LOC400499: variants seen among roughly 807,000 people sequenced by gnomAD.
chr16:11,372,534 T>A, the LOC400499 span: 1 of 153,950 alleles, frequency 6.5e-6, no homozygotes, highest in Admixed American at 6.5e-5. Context: ...GAGTTTCATG[T>A]CCCCCGGAAG....
the LOC400499 span, among the ~76,000 whole-genome samples, chr16:11,502,520 A>C: frequency 6.6e-6 from 1 of 152,132 alleles, no homozygotes; most frequent in Non-Finnish European, 1.5e-5. Flanking sequence ...ACCCCAATAA[A>C]TGTTCACTAT....
the LOC400499 span, among the ~76,000 whole-genome samples, chr16:11,425,818 G>C: frequency 1.3e-5 from 2 of 152,134 alleles, no homozygotes; most frequent in African/African-American, 4.8e-5. Context: ...GTTCAGAAAA[G>C]AGAAGAGATG....
chr16:11,419,689 C>T, the LOC400499 span, among the ~76,000 whole-genome samples: 6 of 152,126 alleles, frequency 3.9e-5, no homozygotes, highest in East Asian at 3.8e-4. Context: ...AGAAAATTTT[C>T]GCAACCTACT....
the LOC400499 span, among the ~76,000 whole-genome samples, chr16:11,489,816 C>T: frequency 6.6e-6 from 1 of 152,158 alleles, no homozygotes; most frequent in African/African-American, 2.4e-5. Context: ...AATTCAGCAA[C>T]GTCACATCAG....
chr16:11,387,871 A>C, the LOC400499 span, among the ~76,000 whole-genome samples: 2 of 152,058 alleles, frequency 1.3e-5, no homozygotes, highest in South Asian at 4.2e-4. Context: ...TGATCTGCCC[A>C]CCTCGGCCTC....
the LOC400499 span, among the ~76,000 whole-genome samples, chr16:11,430,483 T>C: frequency 6.6e-6 from 1 of 151,782 alleles, no homozygotes; most frequent in Non-Finnish European, 1.5e-5. Context: ...AGAGCAAAAC[T>C]CAGTCTCAAA....
chr16:11,456,716 CTG>C, the LOC400499 span: 1 of 1,005,746 alleles, frequency 9.9e-7, no homozygotes, highest in Non-Finnish European at 1.4e-6. Context: ...GCGTGAGCCA[CTG>C]TGCCTGGCCC....
the LOC400499 span, chr16:11,412,745 G>T: frequency 2.5e-6 from 1 of 397,238 alleles, no homozygotes; most frequent in Non-Finnish European, 4.4e-6. Context: ...GTGCTGAGCA[G>T]AGAATTGAGA....
At chr16:11,460,934 T>A in the LOC400499 span, 2 of 1,502,920 alleles carry the variant, frequency 1.3e-6, no homozygotes, top group Non-Finnish European at 1.8e-6. Context: ...CACCTCCACC[T>A]GCCCCGCAAC....
At chr16:11,419,631 C>T in the LOC400499 span, among the ~76,000 whole-genome samples, 23 of 152,210 alleles carry the variant, frequency 1.5e-4, no homozygotes, top group South Asian at 4.1e-4. Context: ...AGCTTCTGCA[C>T]GGCAAAAGAA....
the LOC400499 span, among the ~76,000 whole-genome samples, chr16:11,388,371 C>G: frequency 0.68 from 104,110 of 152,086 alleles, 38,574 homozygotes; most frequent in Non-Finnish European, 0.82. Context: ...GAGTCTTTTC[C>G]CCATGATGTG....
At chr16:11,491,921 G>A in the LOC400499 span, 1 of 397,256 alleles carries the variant, frequency 2.5e-6, no homozygotes, top group Non-Finnish European at 4.4e-6. Context: ...CCTGGCTGCA[G>A]CAGGTGGACC....
At chr16:11,467,838 G>C in the LOC400499 span, among the ~76,000 whole-genome samples, 2 of 152,320 alleles carry the variant, frequency 1.3e-5, no homozygotes, top group Admixed American at 1.3e-4. Context: ...CGCAGGACCT[G>C]TGAATGTGAC....
At chr16:11,449,903 C>T in the LOC400499 span, among the ~76,000 whole-genome samples, 1 of 152,260 alleles carries the variant, frequency 6.6e-6, no homozygotes, top group South Asian at 2.1e-4. Context: ...GCCACCACCC[C>T]GGGCCAGGCC....
chr16:11,384,025 A>C, the LOC400499 span: 1 of 1,231,792 alleles, frequency 8.1e-7, no homozygotes. Context: ...GGATGGATGC[A>C]AGACTCAGGC....
At chr16:11,502,227 T>C in the LOC400499 span, 1 of 398,728 alleles carries the variant, frequency 2.5e-6, no homozygotes, top group Admixed American at 4.4e-5. Context: ...GTGCGGGGGA[T>C]CCCCGAAGGT....
At chr16:11,469,848 C>T in the LOC400499 span, among the ~76,000 whole-genome samples, 20 of 152,320 alleles carry the variant, frequency 1.3e-4, no homozygotes, top group South Asian at 8.3e-4. Context: ...ATTCAGCAAA[C>T]GGCCAGGGAG....
the LOC400499 span, among the ~76,000 whole-genome samples, chr16:11,443,162 A>G: frequency 6.6e-6 from 1 of 151,774 alleles, no homozygotes; most frequent in African/African-American, 2.4e-5. Context: ...CAACTCTACT[A>G]AAAGTACAAA....
the LOC400499 span, among the ~76,000 whole-genome samples, chr16:11,403,070 G>A: frequency 2.0e-5 from 3 of 151,950 alleles, no homozygotes; most frequent in Admixed American, 2.0e-4. Context: ...GAGTCAAGCT[G>A]ACCTGACCTC....
Sources: gnomAD v4.1 joint callset for allele counts (sites outside exome capture counted in the v4.1 genomes callset) on GRCh38, gnomAD v4.1.1 for gene constraint, MANE v1.5 for transcripts.